MCTP2: variants seen among roughly 807,000 people sequenced by gnomAD.
MCTP2 encodes the protein multiple C2 and transmembrane domain containing 2.
MCTP2 carries 132 observed loss-of-function variants against 111.6 expected under a neutral mutation model. The observed-to-expected ratio is 1.18, with a 90% CI of 1.03 to 1.37. The LOEUF is 1.37. Ranked by LOEUF, MCTP2 falls within the 40% of genes most tolerant of loss-of-function variation. MCTP2 has a pLI of 0.00. For synonymous variants in MCTP2, 395 were observed against 387.7 expected (o/e 1.02, Z -0.22); for missense variants, 1,183 against 1,067.9 (o/e 1.11, Z -1.50).
At chr15:94,460,703 G>A (rs2085139931) in intron 20 of MCTP2, among the ~76,000 whole-genome samples, 1 of 152,216 alleles carries the variant, frequency 6.6e-6, no homozygotes, top group African/African-American at 2.4e-5. Context: ...GCAGTGCTTT[G>A]AGGGGCAGCT....
chr15:94,390,060 A>G (rs865920488), intron 14 of MCTP2, among the ~76,000 whole-genome samples: 681 of 10,816 alleles, frequency 0.063, 10 homozygotes, highest in African/African-American at 0.071. Context: ...ATATATATAT[A>G]TATATATATA....
Position 94,390,090 on chromosome 15 carries a change from GTATATATATATATATATATATA to G in MCTP2, c.1788+4567_1788+4588del, listed in dbSNP as rs1168909587. 9.2e-5 allele frequency among the ~76,000 whole-genome samples: 6 copies of G among 64,924 alleles called. 1 individual carries two copies. Among genetic ancestry groups the G allele is most frequent in the African/African-American group, 2.1e-4 (5 of 23,630 alleles). 42.6% of individuals were successfully genotyped at this position (64,924 alleles called of 152,430 possible). On this transcript the variant is annotated intron_variant, in intron 14 of 22. Transcript: ENST00000357742. ...TATATATATATATATATATATATAT[GTATATATATATATATATATATA>G]TGTATATATATATATATATACTTAG... is the stretch of plus-strand genomic sequence containing the variant.
At chr15:94,390,746 T>G (rs1467476764) in intron 14 of MCTP2, among the ~76,000 whole-genome samples, 2,521 of 147,816 alleles carry the variant, frequency 0.017, 42 homozygotes, top group African/African-American at 0.051. Context: ...TTTTTTTTTT[T>G]TGGGATGGAG....
At chr15:94,312,903 A>G (rs115627067) in intron 2 of MCTP2, among the ~76,000 whole-genome samples, 144 of 152,034 alleles carry the variant, frequency 9.5e-4, no homozygotes, top group African/African-American at 3.4e-3. Context: ...GCTGCACTGG[A>G]CAGAGCGAAT....
At chr15:94,383,993 T>G in intron 12 of MCTP2, 29 bp from the exon 13 acceptor site, 1 of 1,498,696 alleles carries the variant, frequency 6.7e-7, no homozygotes, top group Non-Finnish European at 9.3e-7. Context: ...TTCACTTGTC[T>G]TTGACCGATG....
chr15:94,244,469 TG>T lies in MCTP2; in HGVS notation c.-66+12806del, dbSNP rs566827126. 4.7e-5 allele frequency among the ~76,000 whole-genome samples: 7 copies of T among 148,802 alleles called. No homozygotes were observed. In the East Asian group the frequency reaches 1.4e-3, roughly 30 times the overall value. On this transcript the variant is annotated intron_variant, in intron 1 of 22. Coordinates refer to ENST00000357742, the MANE Select transcript of MCTP2 (RefSeq NM_001385001.1). ...ATACGTATATGTATACACATACATATGCACCTATGTTTATATACGTATATGT... is the reference window on the plus strand; with the variant it reads ...ATACGTATATGTATACACATACATATCACCTATGTTTATATACGTATATGT...
At chr15:94,355,026 T>A (rs2078538402) in intron 8 of MCTP2, among the ~76,000 whole-genome samples, 1 of 152,228 alleles carries the variant, frequency 6.6e-6, no homozygotes, top group African/African-American at 2.4e-5. Context: ...TTATTTCACT[T>A]ACTGAACGGA....
At chr15:94,431,295 T>A (rs1365194745) in intron 17 of MCTP2, among the ~76,000 whole-genome samples, 2 of 152,162 alleles carry the variant, frequency 1.3e-5, no homozygotes, top group Non-Finnish European at 2.9e-5. Context: ...GAGAGAAAGG[T>A]ATGTTCAAAA....
intron 17 of MCTP2, among the ~76,000 whole-genome samples, chr15:94,418,241 T>C (rs368688463): frequency 1.1e-4 from 17 of 152,248 alleles, no homozygotes; most frequent in South Asian, 4.1e-4. Flanking sequence ...TAGAATCCCA[T>C]TGGACTTCTC....
chr15:94,410,346 G>A (rs1157387223), intron 17 of MCTP2, among the ~76,000 whole-genome samples: 2 of 151,922 alleles, frequency 1.3e-5, no homozygotes, highest in Admixed American at 1.3e-4. Context: ...TCATTTCCAG[G>A]GCTACTTAAT....
chr15:94,245,563 T>G (rs112403025), intron 1 of MCTP2, among the ~76,000 whole-genome samples: 1 of 143,800 alleles, frequency 7.0e-6, no homozygotes, highest in Non-Finnish European at 1.5e-5. Context: ...TATGTATACA[T>G]ATATGTATAT....
At chr15:94,458,723 A>G (rs760150028) in intron 20 of MCTP2, among the ~76,000 whole-genome samples, 1 of 152,208 alleles carries the variant, frequency 6.6e-6, no homozygotes, top group African/African-American at 2.4e-5. Context: ...CACCACATAT[A>G]TGGATGTCTT....
At position 94,482,566 on chromosome 15, in the gene MCTP2, G is replaced by A. The variant is rs553807667; in HGVS notation, c.*3532G>A. Reference sequence around the variant, plus strand: ...AGTCCAGTTTTAGCGCTGAATCTCAGGTGACTGAAAAGCATCCAAATAGGA... The same window carrying A: ...AGTCCAGTTTTAGCGCTGAATCTCAAGTGACTGAAAAGCATCCAAATAGGA... On this transcript the variant is annotated 3_prime_UTR_variant, in exon 23 of 23. Transcript: ENST00000357742. 1 of 152,272 alleles carries A rather than the reference G, an allele frequency of 6.6e-6. No individual in the cohort carries two copies. Among genetic ancestry groups the A allele is most frequent in the South Asian group, 2.1e-4 (1 of 4,832 alleles). 9.4% of individuals were successfully genotyped at this position (152,272 alleles called of 1,614,324 possible).
intron 1 of MCTP2, chr15:94,273,991 A>G (rs756904996): frequency 4.6e-4 from 102 of 220,422 alleles, no homozygotes; most frequent in Non-Finnish European, 9.5e-4. Flanking sequence ...ACTTATTGAG[A>G]AAATGCAGGA....
intron 3 of MCTP2, chr15:94,314,592 G>A: frequency 1.8e-6 from 1 of 555,744 alleles, no homozygotes; most frequent in Non-Finnish European, 3.2e-6. Context: ...GAGATAGTAA[G>A]GCAGATAAAG....
At chr15:94,369,698 G>C (rs890661067) in intron 11 of MCTP2, among the ~76,000 whole-genome samples, 2 of 152,164 alleles carry the variant, frequency 1.3e-5, no homozygotes, top group African/African-American at 4.8e-5. Context: ...GTACTAACTA[G>C]GTCAGAATAA....
intron 17 of MCTP2, among the ~76,000 whole-genome samples, chr15:94,419,024 G>A (rs2082501509): frequency 6.6e-6 from 1 of 152,124 alleles, no homozygotes; most frequent in African/African-American, 2.4e-5. Context: ...TCATAGAAAT[G>A]TTCAGTATAG....
intron 14 of MCTP2, among the ~76,000 whole-genome samples, chr15:94,390,104 A>ATGCATATG (rs1567603279): frequency 7.5e-5 from 3 of 40,140 alleles, no homozygotes; most frequent in African/African-American, 1.7e-4. Context: ...ATATATATAT[A>ATGCATATG]TATATATATG....
intron 19 of MCTP2, among the ~76,000 whole-genome samples, chr15:94,450,012 T>C (rs935760726): frequency 5.3e-5 from 8 of 152,146 alleles, no homozygotes; most frequent in Admixed American, 2.6e-4. Context: ...TGCCAATTTT[T>C]CAGTTGTATT....
Sources: allele counts gnomAD v4.1 joint callset (sites outside exome capture counted in the v4.1 genomes callset), GRCh38; gene constraint gnomAD v4.1.1; transcripts MANE v1.5; gene names NCBI Gene and HGNC (gene_info 2026-07-23, HGNC 2026-07-21).